Variants in SLC39A8 observed in about 807,000 individuals in gnomAD.
SLC39A8 encodes solute carrier family 39 member 8.
Under a neutral mutation model 40.4 loss-of-function variants are expected in SLC39A8, and 15 were observed. The observed-to-expected ratio is 0.37, with a 90% CI of 0.25 to 0.57. The LOEUF (loss-of-function observed/expected upper bound fraction) is 0.57. Among genes scored for constraint, SLC39A8 ranks in the 20% least tolerant of loss-of-function variants. SLC39A8 has a pLI of 0.75. For synonymous variants in SLC39A8, 223 were observed against 221.6 expected, an observed-to-expected ratio of 1.01 and a Z score of -0.06; for missense variants, 472 against 558.8, an observed-to-expected ratio of 0.84 and a Z score of 1.57.
rs549017178 is a variant in SLC39A8 at position 102,326,357 on chromosome 4, C to T, written c.220-10527G>A. On this transcript the variant is annotated intron_variant, in intron 2 of 8. Coordinates refer to ENST00000356736, the MANE Select transcript of SLC39A8 (RefSeq NM_001135146.2). ...CGGGCAGATCACAAGGTCAGGAGAT[C>T]GAGACCATCCTGGCTAACACGGTGA... Among the ~76,000 whole-genome samples the T allele has an allele frequency of 5.2e-3, 796 of 152,222 alleles. 11 individuals carry two copies. Among genetic ancestry groups the T allele is most frequent in the African/African-American group, 0.018 (756 of 41,516 alleles).
intron 6 of SLC39A8, among the ~76,000 whole-genome samples, chr4:102,271,604 G>T (rs774428198): frequency 6.6e-6 from 1 of 152,192 alleles, no homozygotes; most frequent in Admixed American, 6.5e-5. Flanking sequence ...AAGAGGACCA[G>T]GTGGCTGTAT....
intron 2 of SLC39A8, 125 bp downstream of exon 2, chr4:102,344,319 T>G (rs967557698): frequency 1.2e-5 from 8 of 656,390 alleles, no homozygotes; most frequent in Non-Finnish European, 1.9e-5. Flanking sequence ...AGATACCGCC[T>G]TCTACTTGAG....
chr4:102,261,703 ATT>A lies in SLC39A8; in HGVS notation c.*1339_*1340del. On this transcript the variant is annotated 3_prime_UTR_variant, in exon 9 of 9. Coordinates refer to ENST00000356736, the MANE Select transcript of SLC39A8 (RefSeq NM_001135146.2). ...GGTGTTTACTATTTGGCCAAACAAT[ATT>A]TTTTAATTGTCAGTCATAAAGTGAA... 3.1e-6 allele frequency: 3 copies of A among 982,686 alleles called. No homozygotes were observed. Among genetic ancestry groups the A allele is most frequent in the Non-Finnish European group, 2.4e-6 (2 of 826,884 alleles). 60.9% of individuals were successfully genotyped at this position (982,686 alleles called of 1,614,324 possible).
chr4:102,292,048 G>C (rs1733470652), intron 6 of SLC39A8, among the ~76,000 whole-genome samples: 1 of 151,944 alleles, frequency 6.6e-6, no homozygotes, highest in African/African-American at 2.4e-5. Flanking sequence ...CTGGGGACTG[G>C]GAGGAGGAGA....
intron 8 of SLC39A8, among the ~76,000 whole-genome samples, chr4:102,264,807 T>C (rs1044394471): frequency 1.3e-5 from 2 of 152,238 alleles, no homozygotes; most frequent in African/African-American, 4.8e-5. Context: ...TACAGATGGC[T>C]TCTTTCCTTA....
intron 2 of SLC39A8, among the ~76,000 whole-genome samples, chr4:102,339,297 C>T (rs985506981): frequency 3.9e-5 from 6 of 151,982 alleles, no homozygotes; most frequent in African/African-American, 1.4e-4. Context: ...GAAGGTTTAC[C>T]CCCACCATTT....
At chr4:102,344,416 G>A in intron 2 of SLC39A8, 28 bp downstream of exon 2, 1 of 1,480,482 alleles carries the variant, frequency 6.8e-7, no homozygotes, top group Non-Finnish European at 9.0e-7. Flanking sequence ...CCACAGTACG[G>A]AGGGCTGCCC....
rs116593387 is a variant in SLC39A8 at position 102,262,007 on chromosome 4, C to A, written c.*1037G>T. The A allele has an allele frequency of 1.9e-3, 1,918 of 985,524 alleles. 36 individuals are homozygous for A. In the African/African-American group the frequency reaches 0.031, roughly 16 times the overall value. 61.0% of individuals were successfully genotyped at this position (985,524 alleles called of 1,614,324 possible). ...GTGTGCTAATTTTTTTCAAGGTATA[C>A]CATATGGAAAAGTATAGGCTGAACA... On this transcript the variant is annotated 3_prime_UTR_variant, in exon 9 of 9. Coordinates refer to ENST00000356736, the MANE Select transcript of SLC39A8 (RefSeq NM_001135146.2).
rs541060268 is a variant in SLC39A8, at chr4:102,301,082, C to T, written c.840+3235G>A. The stretch of plus-strand genomic sequence containing the variant: ...TGCAGGGCTGTCACCCTGGCACGCA[C>T]CTTCTCTTCTTTCTTCAGCTGCCTT... On this transcript the variant is annotated intron_variant, in intron 6 of 8. Transcript: ENST00000356736. Among the ~76,000 whole-genome samples, 57 of 152,050 alleles carry T rather than the reference C, an allele frequency of 3.7e-4. No individual in the cohort carries two copies. The Middle Eastern group carries it at 0.017, about 45-fold the overall frequency.
downstream of SLC39A8, among the ~76,000 whole-genome samples, chr4:102,258,329 C>G (rs1282058015): frequency 6.6e-6 from 1 of 152,048 alleles, no homozygotes; most frequent in African/African-American, 2.4e-5. Context: ...CTAAAAACAA[C>G]TTTTAATTTT....
In SLC39A8 at chr4:102,302,819, T is replaced by C. The variant is rs78717938; in HGVS notation, c.840+1498A>G. The stretch of plus-strand genomic sequence containing the variant: ...CGTTCTAGGCATAGTCCTTGAGCAT[T>C]TAATGAATGTTAATTGTAATTATTA... On this transcript the variant is annotated intron_variant, in intron 6 of 8. Coordinates refer to ENST00000356736, the MANE Select transcript of SLC39A8 (RefSeq NM_001135146.2). Among the ~76,000 whole-genome samples the C allele has an allele frequency of 9.3e-4, 142 of 152,134 alleles. 1 individual carries two copies. Among genetic ancestry groups the C allele is most frequent in the African/African-American group, 3.3e-3 (139 of 41,568 alleles).
chr4:102,266,872 C>T (rs1334321189), intron 8 of SLC39A8, among the ~76,000 whole-genome samples: 1 of 152,134 alleles, frequency 6.6e-6, no homozygotes, highest in Non-Finnish European at 1.5e-5. Flanking sequence ...TCCCAAAGTG[C>T]TGGGATTACA....
At chr4:102,288,166 TC>T (rs1323791542) in intron 6 of SLC39A8, among the ~76,000 whole-genome samples, 2 of 152,190 alleles carry the variant, frequency 1.3e-5, no homozygotes. Flanking sequence ...CAGCATGTGC[TC>T]ATTTCATGCC....
intron 6 of SLC39A8, among the ~76,000 whole-genome samples, chr4:102,285,431 T>A (rs772438707): frequency 1.3e-5 from 2 of 152,146 alleles, no homozygotes; most frequent in Non-Finnish European, 2.9e-5. Flanking sequence ...ATCAATGCCC[T>A]AACTCTAACC....
chr4:102,269,888 CTTT>C (rs758876177), intron 6 of SLC39A8: 1 of 152,070 alleles, frequency 6.6e-6, no homozygotes, highest in Non-Finnish European at 1.5e-5. Context: ...AAAATGTGGG[CTTT>C]TTATTTTATA....
chr4:102,332,745 G>A (rs1231126151), intron 2 of SLC39A8, among the ~76,000 whole-genome samples: 2 of 152,214 alleles, frequency 1.3e-5, no homozygotes, highest in African/African-American at 2.4e-5. Context: ...TTTCACAGTA[G>A]CAAAGACTTG....
At chr4:102,310,228 TC>T (rs1422485203) in intron 3 of SLC39A8, among the ~76,000 whole-genome samples, 2 of 152,058 alleles carry the variant, frequency 1.3e-5, no homozygotes, top group African/African-American at 4.8e-5. Flanking sequence ...TACGTGGCCT[TC>T]CAAGCCAACA....
intron 6 of SLC39A8, among the ~76,000 whole-genome samples, chr4:102,274,605 CACT>C (rs1732530456): frequency 6.6e-6 from 1 of 152,118 alleles, no homozygotes; most frequent in Admixed American, 6.6e-5. Context: ...CAGAGAACAC[CACT>C]AAGATACTCC....
intron 3 of SLC39A8, among the ~76,000 whole-genome samples, chr4:102,311,579 A>G (rs1734427565): frequency 6.6e-6 from 1 of 152,110 alleles, no homozygotes; most frequent in African/African-American, 2.4e-5. Context: ...ATATGAATTA[A>G]ATATGATTCT....
Sources: gnomAD v4.1 joint callset for allele counts (sites outside exome capture counted in the v4.1 genomes callset) on GRCh38, gnomAD v4.1.1 for gene constraint, MANE v1.5 for transcripts, NCBI Gene and HGNC (gene_info 2026-07-23, HGNC 2026-07-21) for gene names.